Variants in MAGI2 observed in about 807,000 individuals in gnomAD.
The protein encoded by MAGI2 is membrane associated guanylate kinase, WW and PDZ domain containing 2.
Under a neutral mutation model 133.3 loss-of-function variants are expected in MAGI2, and 35 were observed. The ratio of observed to expected loss-of-function variants is 0.26; its 90% confidence interval spans 0.20 to 0.35. The LOEUF (loss-of-function observed/expected upper bound fraction) is 0.35, where lower values mean the gene tolerates loss of function less well. Ranked by LOEUF, MAGI2 falls within the 10% of genes least tolerant of loss-of-function variation. The pLI is 1.00. For synonymous variants in MAGI2, 729 were observed against 710.6 expected, an observed-to-expected ratio of 1.03 and a Z score of -0.41; for missense variants, 1,636 against 1,863.4, an observed-to-expected ratio of 0.88 and a Z score of 2.25.
intron 2 of MAGI2, among the ~76,000 whole-genome samples, chr7:78,724,191 A>G (rs10226116): frequency 0.04 from 6,050 of 152,258 alleles, 433 homozygotes; most frequent in African/African-American, 0.14. Context: ...GGCACAGCAT[A>G]GTAACATGTA....
chr7:78,472,744 T>C (rs1049718703), intron 6 of MAGI2, among the ~76,000 whole-genome samples: 3 of 152,140 alleles, frequency 2.0e-5, no homozygotes, highest in Non-Finnish European at 4.4e-5. Flanking sequence ...TGCACAATAA[T>C]GCTAAGTGCA....
At chr7:78,035,685 C>T (rs1810139649) in intron 21 of MAGI2, among the ~76,000 whole-genome samples, 1 of 152,034 alleles carries the variant, frequency 6.6e-6, no homozygotes, top group Non-Finnish European at 1.5e-5. Flanking sequence ...CTCTTCAGCC[C>T]AGCCTGTATT....
intron 1 of MAGI2, chr7:79,353,323 C>T (rs1018638039): frequency 2.6e-6 from 1 of 389,940 alleles, no homozygotes; most frequent in South Asian, 1.9e-5. Context: ...ATGAGAGGAG[C>T]TGACACTGTC....
At chr7:78,471,456 A>G (rs1293823162) in intron 6 of MAGI2, among the ~76,000 whole-genome samples, 6 of 152,168 alleles carry the variant, frequency 3.9e-5, no homozygotes, top group Non-Finnish European at 8.8e-5. Context: ...GGTAACTATT[A>G]ATATTAAATA....
intron 16 of MAGI2, among the ~76,000 whole-genome samples, chr7:78,158,716 C>G (rs762782965): frequency 6.6e-6 from 1 of 152,200 alleles, no homozygotes; most frequent in Non-Finnish European, 1.5e-5. Context: ...ACAGCTCTTT[C>G]CCTGAAAGAC....
intron 2 of MAGI2, among the ~76,000 whole-genome samples, chr7:78,777,450 A>G (rs991717621): frequency 1.3e-5 from 2 of 152,070 alleles, no homozygotes; most frequent in African/African-American, 4.8e-5. Context: ...CACCACTACC[A>G]CCACCATTAT....
chr7:79,405,432 G>A (rs762914498), intron 1 of MAGI2, among the ~76,000 whole-genome samples: 1 of 152,076 alleles, frequency 6.6e-6, no homozygotes, highest in Non-Finnish European at 1.5e-5. Context: ...TATTCAGACA[G>A]CATTGGCCAA....
intron 2 of MAGI2, among the ~76,000 whole-genome samples, chr7:78,980,861 G>C (rs1804722239): frequency 6.6e-6 from 1 of 151,158 alleles, no homozygotes; most frequent in Non-Finnish European, 1.5e-5. Flanking sequence ...AATTCAGTTA[G>C]TCTTTTAGTC....
At chr7:78,458,086 A>T (rs1448311544) in intron 6 of MAGI2, among the ~76,000 whole-genome samples, 1 of 152,092 alleles carries the variant, frequency 6.6e-6, no homozygotes, top group African/African-American at 2.4e-5. Flanking sequence ...TCATGAGGTC[A>T]GGAGATCGAT....
chr7:78,160,167 G>C lies in MAGI2; in HGVS notation c.2703C>G (p.Pro901=), dbSNP rs756358341. Residue 901 remains proline (P), a synonymous_variant, in exon 16 of 22, where the codon CCC becomes CCG. Transcript: ENST00000354212. ...ATYTNSNHAA[P]SSNASPPEGF... ...CTTCAGGGGGAGAGGCATTGCTACT[G>C]GGGGCAGCGTGGTTGCTGTTGGTGT... The C allele has an allele frequency of 5.0e-6, 8 of 1,612,956 alleles. No individual in the cohort carries two copies. The South Asian group carries it at 7.7e-5, about 16-fold the overall frequency.
At chr7:79,059,975 G>GTAA (rs1485974650) in intron 1 of MAGI2, among the ~76,000 whole-genome samples, 2 of 152,100 alleles carry the variant, frequency 1.3e-5, no homozygotes, top group Non-Finnish European at 2.9e-5. Context: ...CATCTAATGA[G>GTAA]TAATGTATGA....
chr7:78,573,118 GAT>G (rs1197488381), intron 3 of MAGI2, among the ~76,000 whole-genome samples: 2 of 94,726 alleles, frequency 2.1e-5, no homozygotes, highest in Admixed American at 1.4e-4. Context: ...TATGGAGAGA[GAT>G]ATATATATAC....
At chr7:79,226,463 G>A (rs1186884665) in intron 1 of MAGI2, among the ~76,000 whole-genome samples, 1 of 151,924 alleles carries the variant, frequency 6.6e-6, no homozygotes, top group Non-Finnish European at 1.5e-5. Flanking sequence ...TAAATTATAA[G>A]ACCCATAACA....
chr7:78,603,839 T>C (rs1054935148), intron 3 of MAGI2, among the ~76,000 whole-genome samples: 2 of 152,132 alleles, frequency 1.3e-5, no homozygotes, highest in Non-Finnish European at 2.9e-5. Context: ...TATTTTCTTA[T>C]AGGCTACCAA....
intron 14 of MAGI2, among the ~76,000 whole-genome samples, chr7:78,176,338 C>T (rs1826600315): frequency 1.3e-5 from 2 of 152,256 alleles, no homozygotes; most frequent in South Asian, 2.1e-4. Context: ...AAGTTAGTGA[C>T]GTTCTGGTTG....
chr7:78,733,316 A>C (rs1038738099), intron 2 of MAGI2, among the ~76,000 whole-genome samples: 1 of 152,198 alleles, frequency 6.6e-6, no homozygotes, highest in East Asian at 1.9e-4. Flanking sequence ...TGATTTCCCA[A>C]TACTGTCTTG....
intron 21 of MAGI2, among the ~76,000 whole-genome samples, chr7:78,042,720 T>C (rs933027132): frequency 2.0e-5 from 3 of 152,232 alleles, no homozygotes; most frequent in Admixed American, 6.5e-5. Flanking sequence ...TTGTTATCAT[T>C]TGGCCTGCCA....
At chr7:79,362,016 T>C (rs1169242572) in intron 1 of MAGI2, among the ~76,000 whole-genome samples, 1 of 151,720 alleles carries the variant, frequency 6.6e-6, no homozygotes, top group Non-Finnish European at 1.5e-5. Flanking sequence ...TAGGAAAAAA[T>C]CTGGCAAAAT....
intron 1 of MAGI2, chr7:79,414,547 C>T (rs1846368372): frequency 6.6e-6 from 1 of 152,038 alleles, no homozygotes; most frequent in Non-Finnish European, 1.5e-5. Context: ...ACCTTCCAGC[C>T]ATTTTGCAAA....
Sources: gnomAD v4.1 joint callset for allele counts (sites outside exome capture counted in the v4.1 genomes callset) on GRCh38, gnomAD v4.1.1 for gene constraint, MANE v1.5 for transcripts, NCBI Gene and HGNC (gene_info 2026-07-23, HGNC 2026-07-21) for gene names.